The following RAD51B variants were observed in gnomAD, a reference collection of about 807,000 sequenced individuals.
The protein encoded by RAD51B is DNA repair protein RAD51 homolog 2.
In RAD51B, 38 loss-of-function variants were observed where a neutral mutation model predicts 42.2. The observed-to-expected ratio is 0.90, with a 90% CI of 0.70 to 1.18. The LOEUF (loss-of-function observed/expected upper bound fraction) is 1.18, where lower values mean the gene tolerates loss of function less well. RAD51B is among the 50% of genes most tolerant of loss of function. The pLI, the probability that RAD51B is intolerant of heterozygous loss-of-function variation, is 0.00. For synonymous variants in RAD51B, 154 were observed against 145.2 expected (o/e 1.06, Z -0.43); for missense variants, 373 against 400.7 (o/e 0.93, Z 0.59).
intron 10 of RAD51B, among the ~76,000 whole-genome samples, chr14:68,578,100 T>C (rs565102277): frequency 3.9e-5 from 6 of 152,346 alleles, no homozygotes; most frequent in Non-Finnish European, 7.3e-5. Context: ...AACTCGTTGC[T>C]AACAGAAGTG....
intron 8 of RAD51B, among the ~76,000 whole-genome samples, chr14:68,387,903 T>C (rs572899944): frequency 5.3e-5 from 8 of 152,110 alleles, no homozygotes; most frequent in Non-Finnish European, 1.2e-4. Context: ...GAAAAAAACA[T>C]AAAATGTCTT....
chr14:68,468,710 A>T, intron 10 of RAD51B: 1 of 297,478 alleles, frequency 3.4e-6, no homozygotes, highest in Non-Finnish European at 6.6e-6. Flanking sequence ...TACTTCCCTG[A>T]CTCCTTCTGG....
intron 5 of RAD51B, among the ~76,000 whole-genome samples, chr14:67,865,637 C>CA (rs991478888): frequency 1.2e-4 from 17 of 146,218 alleles, no homozygotes; most frequent in African/African-American, 4.1e-4. Context: ...CTCCCGGGTT[C>CA]AAGCGATTCT....
chr14:68,605,797 C>T (rs991021031), intron 10 of RAD51B, among the ~76,000 whole-genome samples: 1 of 152,180 alleles, frequency 6.6e-6, no homozygotes, highest in Non-Finnish European at 1.5e-5. Flanking sequence ...TTCCTGCCCC[C>T]CTGCAAAGTT....
intron 7 of RAD51B, among the ~76,000 whole-genome samples, chr14:67,918,589 C>T (rs769497021): frequency 6.6e-6 from 1 of 152,112 alleles, no homozygotes; most frequent in Non-Finnish European, 1.5e-5. Flanking sequence ...AACTGAAGGA[C>T]ATCTGTTTCT....
chr14:68,440,537 G>C (rs952299485), intron 9 of RAD51B, among the ~76,000 whole-genome samples: 4 of 152,112 alleles, frequency 2.6e-5, no homozygotes, highest in African/African-American at 9.7e-5. Flanking sequence ...CTGAGGTCAC[G>C]AGTTCGAGAC....
intron 10 of RAD51B, among the ~76,000 whole-genome samples, chr14:68,636,715 G>T (rs141025117): frequency 2.6e-5 from 4 of 152,280 alleles, no homozygotes; most frequent in African/African-American, 7.2e-5. Context: ...AGTGAGTCTT[G>T]AATGAGTTAA....
chr14:68,160,412 C>G (rs2078613132), intron 7 of RAD51B, among the ~76,000 whole-genome samples: 1 of 152,284 alleles, frequency 6.6e-6, no homozygotes, highest in South Asian at 2.1e-4. Flanking sequence ...CAAGTGCAGT[C>G]AGGTCTTTGA....
At chr14:68,044,882 A>G (rs1042215245) in intron 7 of RAD51B, among the ~76,000 whole-genome samples, 11 of 152,164 alleles carry the variant, frequency 7.2e-5, no homozygotes, top group Middle Eastern at 3.4e-3. Flanking sequence ...AGAAAGCAGG[A>G]TTTTTGTGAG....
intron 7 of RAD51B, among the ~76,000 whole-genome samples, chr14:67,944,015 C>G (rs2140188077): frequency 6.6e-6 from 1 of 151,886 alleles, no homozygotes; most frequent in African/African-American, 2.4e-5. Flanking sequence ...GGGATAAAAC[C>G]AGCAAAAATG....
chr14:67,911,438 G>A (rs949478151), intron 7 of RAD51B, among the ~76,000 whole-genome samples: 6 of 151,974 alleles, frequency 3.9e-5, no homozygotes, highest in Non-Finnish European at 7.4e-5. Context: ...TTATTTACTC[G>A]CAACTGGATG....
chr14:68,302,573 A>C (rs2081767287), intron 8 of RAD51B, among the ~76,000 whole-genome samples: 1 of 152,158 alleles, frequency 6.6e-6, no homozygotes, highest in Non-Finnish European at 1.5e-5. Context: ...AAAGACTCAC[A>C]CAGAAATATA....
At chr14:67,874,527 G>A (rs778206748) in intron 5 of RAD51B, among the ~76,000 whole-genome samples, 4 of 152,010 alleles carry the variant, frequency 2.6e-5, no homozygotes, top group Non-Finnish European at 5.9e-5. Flanking sequence ...ATCAAAGTTG[G>A]ACACCCTTGA....
At chr14:68,529,499 G>A (rs1223573240) in intron 10 of RAD51B, among the ~76,000 whole-genome samples, 2 of 152,202 alleles carry the variant, frequency 1.3e-5, no homozygotes, top group Non-Finnish European at 2.9e-5. Flanking sequence ...ATATATCTGA[G>A]ACTATTTCTT....
At chr14:68,096,263 T>A (rs1417888352) in intron 7 of RAD51B, among the ~76,000 whole-genome samples, 1 of 152,200 alleles carries the variant, frequency 6.6e-6, no homozygotes, top group Non-Finnish European at 1.5e-5. Flanking sequence ...CCATAGAAAA[T>A]TTGTATTCAG....
chr14:67,855,177 C>T (rs143699881), intron 4 of RAD51B, among the ~76,000 whole-genome samples: 42,903 of 151,476 alleles, frequency 0.28, 6,470 homozygotes, highest in Middle Eastern at 0.41. Flanking sequence ...GGATTACAGG[C>T]ATGAACCACC....
intron 7 of RAD51B, among the ~76,000 whole-genome samples, chr14:68,090,362 A>G (rs2077070111): frequency 6.6e-6 from 1 of 152,208 alleles, no homozygotes; most frequent in Admixed American, 6.5e-5. Flanking sequence ...TTTTTACATC[A>G]TAGTTACAGT....
intron 4 of RAD51B, among the ~76,000 whole-genome samples, chr14:67,841,685 CA>C (rs2041434048): frequency 8.0e-6 from 1 of 124,798 alleles, no homozygotes; most frequent in Non-Finnish European, 1.7e-5. Context: ...GTCCTTTCCC[CA>C]TTTTTTTATT....
At chr14:68,508,608 T>C (rs1885506168) in intron 10 of RAD51B, among the ~76,000 whole-genome samples, 1 of 152,060 alleles carries the variant, frequency 6.6e-6, no homozygotes, top group Non-Finnish European at 1.5e-5. Context: ...CCTCCTACCC[T>C]GTCTGGAAGG....
Sources: allele counts gnomAD v4.1 joint callset (sites outside exome capture counted in the v4.1 genomes callset), GRCh38; gene constraint gnomAD v4.1.1; transcripts MANE v1.5; gene names NCBI Gene and HGNC (gene_info 2026-07-23, HGNC 2026-07-21).